TBC1D9: variants seen among roughly 807,000 people sequenced by gnomAD.
TBC1D9 encodes TBC1 domain family member 9.
A neutral mutation model predicts 132.0 loss-of-function variants in TBC1D9; 63 were observed. The ratio of observed to expected loss-of-function variants is 0.48; its 90% CI spans 0.39 to 0.59. TBC1D9 has a LOEUF of 0.59. TBC1D9 is among the 20% of genes least tolerant of loss of function. TBC1D9 has a pLI of 0.00. For synonymous variants in TBC1D9, 610 were observed against 609.9 expected (o/e 1.00, Z 0.00); for missense variants, 1,261 against 1,592.7 (o/e 0.79, Z 3.54).
At chr4:140,728,001 ATAGAG>A (rs1404812612) in intron 1 of TBC1D9, among the ~76,000 whole-genome samples, 3 of 152,232 alleles carry the variant, frequency 2.0e-5, no homozygotes, top group Non-Finnish European at 2.9e-5. Flanking sequence ...TACCAGAAAA[ATAGAG>A]TAGAGTTTCC....
intron 13 of TBC1D9, among the ~76,000 whole-genome samples, chr4:140,656,874 C>A (rs1737279560): frequency 1.3e-5 from 2 of 152,168 alleles, no homozygotes; most frequent in African/African-American, 4.8e-5. Flanking sequence ...TGGTATTTCT[C>A]CCCTCCGGAG....
chr4:140,660,049 C>G (rs1475894588), intron 10 of TBC1D9, among the ~76,000 whole-genome samples: 1 of 152,204 alleles, frequency 6.6e-6, no homozygotes, highest in Non-Finnish European at 1.5e-5. Context: ...AGCTTTTAAC[C>G]TGCTAAAATC....
At chr4:140,629,802 TTAAC>T (rs1736763332) in intron 16 of TBC1D9, among the ~76,000 whole-genome samples, 1 of 152,180 alleles carries the variant, frequency 6.6e-6, no homozygotes, top group African/African-American at 2.4e-5. Context: ...GATCACATGG[TTAAC>T]TAAACTCCCG....
chr4:140,632,719 G>C (rs564745313), intron 16 of TBC1D9, among the ~76,000 whole-genome samples: 135 of 152,230 alleles, frequency 8.9e-4, no homozygotes, highest in Non-Finnish European at 1.5e-3. Context: ...AGCACAAACT[G>C]TGCCTCTTGA....
At chr4:140,742,476 G>A (rs990353495) in intron 1 of TBC1D9, among the ~76,000 whole-genome samples, 1 of 139,146 alleles carries the variant, frequency 7.2e-6, no homozygotes, top group African/African-American at 2.7e-5. Flanking sequence ...AGGTTGCAGT[G>A]AGCCGAGATT....
At chr4:140,658,468 C>T (rs1223557737) in intron 11 of TBC1D9, among the ~76,000 whole-genome samples, 1 of 152,084 alleles carries the variant, frequency 6.6e-6, no homozygotes, top group African/African-American at 2.4e-5. Context: ...CTTCCTCAGC[C>T]AGAACATCAA....
At chr4:140,644,884 T>G (rs1241732846) in intron 13 of TBC1D9, 3 of 433,432 alleles carry the variant, frequency 6.9e-6, no homozygotes, top group African/African-American at 6.3e-5. Context: ...GACAAACTGG[T>G]AGGGCGACAG....
chr4:140,701,431 T>C, intron 2 of TBC1D9, 73 bp downstream of exon 2: 1 of 1,148,484 alleles, frequency 8.7e-7, no homozygotes, highest in Non-Finnish European at 1.3e-6. Context: ...ACACGTTCCT[T>C]TCCTTCTGAT....
At chr4:140,737,651 C>CAA (rs1222172119) in intron 1 of TBC1D9, among the ~76,000 whole-genome samples, 2 of 152,136 alleles carry the variant, frequency 1.3e-5, no homozygotes, top group African/African-American at 4.8e-5. Flanking sequence ...TTAAACAATA[C>CAA]AAAGTGAACT....
intron 1 of TBC1D9, among the ~76,000 whole-genome samples, chr4:140,704,435 G>T (rs370634311): frequency 8.8e-6 from 1 of 113,402 alleles, no homozygotes; most frequent in Non-Finnish European, 1.9e-5. Flanking sequence ...CAAAAAATCA[G>T]AAAAAAAAAA....
intron 1 of TBC1D9, among the ~76,000 whole-genome samples, chr4:140,720,235 T>C (rs1738402168): frequency 6.6e-6 from 1 of 152,130 alleles, no homozygotes; most frequent in Admixed American, 6.5e-5. Context: ...GACATCAGAT[T>C]GTGGTGGGCA....
rs923313652 is a variant in TBC1D9, at chr4:140,706,121, C to T, written c.131-4507G>A. On this transcript the variant is annotated intron_variant, in intron 1 of 20. Coordinates refer to ENST00000442267, the MANE Select transcript of TBC1D9 (RefSeq NM_015130.3). The surrounding 1 kb of genome is among the most constrained non-coding windows in gnomAD (Gnocchi z 4.0). ...GTCCACAGTGCTGCAGAGAAACCCCCGTCAGCCCTCTGCAGGCCGGGCTAT... is the reference window on the plus strand; with the variant it reads ...GTCCACAGTGCTGCAGAGAAACCCCTGTCAGCCCTCTGCAGGCCGGGCTAT... Among the ~76,000 whole-genome samples, 6 of 152,194 alleles carry T rather than the reference C, an allele frequency of 3.9e-5. No individual in the cohort carries two copies. Among genetic ancestry groups the T allele is most frequent in the Non-Finnish European group, 7.3e-5 (5 of 68,038 alleles).
At position 140,679,218 on chromosome 4, in the gene TBC1D9, C is replaced by T. The variant is rs115246490; in HGVS notation, c.590-15G>A. The T allele has an allele frequency of 6.7e-4, 1,072 of 1,606,716 alleles. 6 individuals carry two copies. The African/African-American group carries it at 0.013, about 19-fold the overall frequency. ...GACCAGTTTCGCTGAGCACAAGGAACAAGCCTGGGTCAACATCTGATTCCT... is the reference window on the plus strand; with the variant it reads ...GACCAGTTTCGCTGAGCACAAGGAATAAGCCTGGGTCAACATCTGATTCCT... On this transcript the variant is annotated splice_polypyrimidine_tract_variant and intron_variant, in intron 4 of 20. Transcript: ENST00000442267.
intron 16 of TBC1D9, among the ~76,000 whole-genome samples, chr4:140,629,778 T>C (rs1341612841): frequency 6.6e-6 from 1 of 152,206 alleles, no homozygotes; most frequent in Non-Finnish European, 1.5e-5. Context: ...ACTCTCACAG[T>C]GGAGTTTCTT....
chr4:140,640,275 G>A (rs1055265645), intron 13 of TBC1D9, among the ~76,000 whole-genome samples: 1 of 152,060 alleles, frequency 6.6e-6, no homozygotes, highest in Non-Finnish European at 1.5e-5. Context: ...GGGCAACAGG[G>A]GGAAGAAAGG....
intron 1 of TBC1D9, among the ~76,000 whole-genome samples, chr4:140,707,308 T>C (rs1738163895): frequency 6.6e-6 from 1 of 152,214 alleles, no homozygotes; most frequent in South Asian, 2.1e-4. Flanking sequence ...CATTAGACAT[T>C]CAGAGTTCAC....
At chr4:140,652,497 A>G (rs1737201970) in intron 13 of TBC1D9, among the ~76,000 whole-genome samples, 1 of 152,172 alleles carries the variant, frequency 6.6e-6, no homozygotes, top group East Asian at 1.9e-4. Flanking sequence ...AACCAGCTCC[A>G]CTGGACCAGT....
chr4:140,650,024 T>C (rs1406456405), intron 13 of TBC1D9, among the ~76,000 whole-genome samples: 1 of 152,230 alleles, frequency 6.6e-6, no homozygotes, highest in African/African-American at 2.4e-5. Flanking sequence ...ATCTTTTGTC[T>C]ACCAGAAAGG....
chr4:140,655,337 C>G (rs1737250801), intron 13 of TBC1D9, among the ~76,000 whole-genome samples: 1 of 152,084 alleles, frequency 6.6e-6, no homozygotes, highest in African/African-American at 2.4e-5. Context: ...TAAGGACACA[C>G]ATTTCTGAAA....
Sources: gnomAD v4.1 joint callset for allele counts (sites outside exome capture counted in the v4.1 genomes callset) on GRCh38, gnomAD v4.1.1 for gene constraint, Gnocchi (gnomAD v3.1) non-coding constraint, MANE v1.5 for transcripts, NCBI Gene and HGNC (gene_info 2026-07-23, HGNC 2026-07-21) for gene names.